TTC28: variants seen among roughly 807,000 people sequenced by gnomAD.
The protein encoded by TTC28 is tetratricopeptide repeat protein 28.
Under a neutral mutation model 198.0 loss-of-function variants are expected in TTC28, and 61 were observed. The observed-to-expected ratio is 0.31, with a 90% CI of 0.25 to 0.38. The LOEUF is 0.38. Ranked by LOEUF, TTC28 falls within the 10% of genes least tolerant of loss-of-function variation. The pLI, the probability that TTC28 is intolerant of heterozygous loss-of-function variation, is 1.00. For synonymous variants in TTC28, 1,171 were observed against 1,297.8 expected (o/e 0.90, Z 2.10); for missense variants, 2,678 against 3,164.0 (o/e 0.85, Z 3.69).
intron 2 of TTC28, among the ~76,000 whole-genome samples, chr22:28,546,719 G>A (rs922548241): frequency 6.6e-6 from 1 of 151,880 alleles, no homozygotes; most frequent in Non-Finnish European, 1.5e-5. Flanking sequence ...CTAACTCAAA[G>A]GTCCATCAAC....
intron 2 of TTC28, among the ~76,000 whole-genome samples, chr22:28,475,330 C>G (rs1601444125): frequency 6.6e-6 from 1 of 152,058 alleles, no homozygotes; most frequent in South Asian, 2.1e-4. Context: ...CATGGCAGGG[C>G]ACACTCACAC....
At chr22:28,428,966 TAG>T (rs1474463598) in intron 2 of TTC28, among the ~76,000 whole-genome samples, 1 of 152,272 alleles carries the variant, frequency 6.6e-6, no homozygotes, top group African/African-American at 2.4e-5. Flanking sequence ...AAAAAGCTTA[TAG>T]TTAATAAATT....
intron 8 of TTC28, among the ~76,000 whole-genome samples, chr22:28,101,900 T>C (rs374992715): frequency 6.6e-6 from 1 of 151,600 alleles, no homozygotes; most frequent in Non-Finnish European, 1.5e-5. Context: ...TCTGTGTTGG[T>C]AGCAACATTT....
At chr22:28,662,673 C>A (rs1238082520) in intron 1 of TTC28, among the ~76,000 whole-genome samples, 2 of 152,142 alleles carry the variant, frequency 1.3e-5, no homozygotes, top group Admixed American at 1.3e-4. Context: ...TATGGTTCTT[C>A]CAAATAAGCC....
At chr22:28,243,676 G>A (rs1929862271) in intron 5 of TTC28, among the ~76,000 whole-genome samples, 1 of 152,134 alleles carries the variant, frequency 6.6e-6, no homozygotes, top group Non-Finnish European at 1.5e-5. Context: ...GCTACTGTAA[G>A]CCTCACTGCT....
chr22:28,629,943 G>A (rs1235315136), intron 1 of TTC28, 113 bp from the exon 2 acceptor site: 2 of 947,564 alleles, frequency 2.1e-6, no homozygotes, highest in East Asian at 2.6e-5. Flanking sequence ...GTGATCCCCA[G>A]TATTGGAGGT....
chr22:28,483,232 T>C (rs935855025), intron 2 of TTC28, among the ~76,000 whole-genome samples: 2 of 152,110 alleles, frequency 1.3e-5, no homozygotes, highest in Non-Finnish European at 2.9e-5. Flanking sequence ...AATAAACAAG[T>C]AAATCATTAA....
intron 12 of TTC28, among the ~76,000 whole-genome samples, chr22:28,063,833 G>T (rs1285170284): frequency 6.6e-6 from 1 of 152,076 alleles, no homozygotes; most frequent in African/African-American, 2.4e-5. Flanking sequence ...AGGTAGGCGT[G>T]TGAACCTAGC....
Position 28,636,677 on chromosome 22 carries a change from T to C in TTC28, c.103-6847A>G, listed in dbSNP as rs564469977. Among the ~76,000 whole-genome samples, 12 of 152,306 alleles carry C rather than the reference T, an allele frequency of 7.9e-5. 1 individual carries two copies. Among genetic ancestry groups the C allele is most frequent in the African/African-American group, 2.9e-4 (12 of 41,578 alleles). On this transcript the variant is annotated intron_variant, in intron 1 of 22. Transcript: ENST00000397906. ...CTTAGCAGTTTGTAGGTCTTCTTTG[T>C]ACAAATTATATTCAGGTATTTCGCT... is the stretch of plus-strand genomic sequence containing the variant.
intron 5 of TTC28, among the ~76,000 whole-genome samples, chr22:28,295,433 G>A (rs998241859): frequency 2.6e-5 from 4 of 152,078 alleles, no homozygotes; most frequent in Non-Finnish European, 4.4e-5. Flanking sequence ...TGGAAATCCT[G>A]GCACCATGCC....
intron 12 of TTC28, among the ~76,000 whole-genome samples, chr22:28,071,734 A>T (rs565952736): frequency 1.6e-4 from 21 of 128,226 alleles, no homozygotes; most frequent in East Asian, 1.3e-3. Context: ...AAAGTATAAT[A>T]AAAAAAAAAA....
intron 2 of TTC28, among the ~76,000 whole-genome samples, chr22:28,345,939 C>G (rs1216806253): frequency 6.6e-6 from 1 of 152,148 alleles, no homozygotes; most frequent in Non-Finnish European, 1.5e-5. Flanking sequence ...CTGAATCAGT[C>G]AGTCTACCTT....
At chr22:28,534,614 GTA>G (rs1300846192) in intron 2 of TTC28, among the ~76,000 whole-genome samples, 7 of 152,148 alleles carry the variant, frequency 4.6e-5, no homozygotes, top group Admixed American at 4.6e-4. Context: ...ACATGCACAC[GTA>G]TGTTTACTGT....
chr22:28,030,267 A>G lies in TTC28; in HGVS notation c.4032T>C (p.Thr1344=), dbSNP rs972571674. ...TGCGGCGAACCATCCGCAGAAAGCC[A>G]GTGGGGTCAGTGACCGAGTTGAGTT... The part of the protein sequence containing the change: ...NNKLNSVTDP[T]GFLRMVRRNN... The change falls in exon 13 of 23, where the codon ACT becomes ACC. Residue 1344 remains threonine (T), a synonymous_variant. Transcript: ENST00000397906. The G allele has an allele frequency of 4.1e-5, 63 of 1,551,664 alleles. No homozygotes were observed. Among genetic ancestry groups the G allele is most frequent in the Non-Finnish European group, 5.4e-5 (62 of 1,147,022 alleles).
chr22:28,404,587 A>T (rs1247274602), intron 2 of TTC28, among the ~76,000 whole-genome samples: 1 of 152,092 alleles, frequency 6.6e-6, no homozygotes, highest in Non-Finnish European at 1.5e-5. Context: ...CCCAGGACTT[A>T]ACCTCCAGTT....
At chr22:28,243,860 G>C (rs977385115) in intron 5 of TTC28, among the ~76,000 whole-genome samples, 1 of 152,232 alleles carries the variant, frequency 6.6e-6, no homozygotes, top group South Asian at 2.1e-4. Context: ...CAGTTCATTT[G>C]ATTCATTCAA....
In TTC28 at chr22:28,094,187, G is replaced by C. The variant is rs781573926; in HGVS notation, c.3825C>G (p.Asp1275Glu). ...LGENTVENSS[D>E]FQASSSVTLP... ...GGGTTACACTGCTGCTGGCCTGGAA[G>C]TCACTTGAGTTTTCCACTGTGTTCT... is the stretch of plus-strand genomic sequence containing the variant. Residue 1275 changes from aspartate (D) to glutamate (E), a missense_variant, in exon 12 of 23, where the codon GAC becomes GAG. Around this residue, in one of 8 missense-constraint regions of TTC28, gnomAD observed 727 missense variants for 861.9 expected, o/e 0.84. Transcript: ENST00000397906. 37 of 1,551,534 alleles carry C rather than the reference G, an allele frequency of 2.4e-5. No homozygotes were observed. In the South Asian group the frequency reaches 4.4e-4, roughly 18 times the overall value.
chr22:28,413,214 T>A (rs933846919), intron 2 of TTC28, among the ~76,000 whole-genome samples: 3 of 152,076 alleles, frequency 2.0e-5, no homozygotes, highest in Admixed American at 6.5e-5. Context: ...GGCGGGCGGA[T>A]GACGAGGTCA....
chr22:28,486,097 C>T (rs997112667), intron 2 of TTC28, among the ~76,000 whole-genome samples: 4 of 151,930 alleles, frequency 2.6e-5, no homozygotes, highest in African/African-American at 9.7e-5. Context: ...TTAAAAAGGG[C>T]ATTGGTACCT....
Sources: allele counts gnomAD v4.1 joint callset (sites outside exome capture counted in the v4.1 genomes callset), GRCh38; gene constraint gnomAD v4.1.1; regional missense constraint gnomAD v4.1.1; transcripts MANE v1.5; gene names NCBI Gene and HGNC (gene_info 2026-07-23, HGNC 2026-07-21).